The following CALN1 variants were observed in gnomAD, a reference collection of about 807,000 sequenced individuals.
The protein encoded by CALN1 is calneuron 1.
CALN1 carries 17 observed loss-of-function variants against 30.6 expected under a neutral mutation model. The ratio of observed to expected loss-of-function variants is 0.56; its 90% confidence interval spans 0.38 to 0.83. CALN1 has a LOEUF of 0.83. Ranked by LOEUF, CALN1 falls within the 40% of genes least tolerant of loss-of-function variation. The probability of loss-of-function intolerance (pLI) is 0.00; values close to 1 mark genes in which losing one functional copy is unlikely to be tolerated. For missense variants in CALN1, 291 were observed against 354.9 expected, an observed-to-expected ratio of 0.82 and a Z score of 1.45; for synonymous variants, 156 against 131.4, an observed-to-expected ratio of 1.19 and a Z score of -1.28.
chr7:71,858,279 ATTGTAAGT>A (rs1791069973), intron 5 of CALN1, among the ~76,000 whole-genome samples: 1 of 152,090 alleles, frequency 6.6e-6, no homozygotes, highest in South Asian at 2.1e-4. Context: ...TCCTGCCGTG[ATTGTAAGT>A]TTCCTGAGGC....
At chr7:72,430,585 G>A (rs570319910) in intron 1 of CALN1, among the ~76,000 whole-genome samples, 4 of 152,146 alleles carry the variant, frequency 2.6e-5, no homozygotes, top group Admixed American at 6.5e-5. Context: ...CCCCTCAAGG[G>A]GCTTCTCAGC....
chr7:72,068,587 A>T (rs1419078739), intron 4 of CALN1, among the ~76,000 whole-genome samples: 1 of 152,160 alleles, frequency 6.6e-6, no homozygotes, highest in Admixed American at 6.5e-5. Context: ...TCATGGGTTC[A>T]AGCAATTCTC....
At chr7:72,069,606 T>C (rs954287740) in intron 4 of CALN1, among the ~76,000 whole-genome samples, 6 of 152,146 alleles carry the variant, frequency 3.9e-5, no homozygotes, top group Non-Finnish European at 5.9e-5. Context: ...TGTGCCTCCC[T>C]TGCAGAGGGA....
At chr7:71,879,792 C>A (rs562984008) in intron 5 of CALN1, among the ~76,000 whole-genome samples, 2 of 152,150 alleles carry the variant, frequency 1.3e-5, no homozygotes, top group Non-Finnish European at 2.9e-5. Flanking sequence ...TGCTTACGTG[C>A]CTCACAGAGA....
chr7:72,306,626 AAAAAAAG>A (rs913385737), intron 2 of CALN1, among the ~76,000 whole-genome samples: 1 of 145,524 alleles, frequency 6.9e-6, no homozygotes, highest in African/African-American at 2.7e-5. Flanking sequence ...TGCTCTAAAA[AAAAAAAG>A]AAGAAAAAAA....
the CALN1 span, among the ~76,000 whole-genome samples, chr7:72,477,719 G>T: frequency 3.3e-5 from 5 of 152,046 alleles, no homozygotes; most frequent in Non-Finnish European, 7.4e-5. Context: ...ACCATGCCTG[G>T]ATAATTTTTT....
At chr7:71,820,262 C>T (rs992719975) in intron 5 of CALN1, among the ~76,000 whole-genome samples, 5 of 152,176 alleles carry the variant, frequency 3.3e-5, no homozygotes, top group Non-Finnish European at 7.3e-5. Context: ...GACCAATCCA[C>T]CTATGACCTG....
At chr7:71,954,810 A>G (rs1796874172) in intron 5 of CALN1, among the ~76,000 whole-genome samples, 1 of 152,234 alleles carries the variant, frequency 6.6e-6, no homozygotes, top group Admixed American at 6.5e-5. Context: ...GAGAACTGGC[A>G]GCAGTGAGTA....
At chr7:72,251,308 A>G (rs1384967995) in intron 3 of CALN1, among the ~76,000 whole-genome samples, 4 of 151,864 alleles carry the variant, frequency 2.6e-5, no homozygotes, top group African/African-American at 9.7e-5. Flanking sequence ...ATCTATCCCA[A>G]TTGTTTTCAT....
At chr7:72,048,899 ATT>A (rs71531780) in intron 4 of CALN1, among the ~76,000 whole-genome samples, 2 of 151,778 alleles carry the variant, frequency 1.3e-5, no homozygotes, top group African/African-American at 2.4e-5. Context: ...CCACCTCAAC[ATT>A]TTCGGCCCAA....
intron 2 of CALN1, among the ~76,000 whole-genome samples, chr7:72,311,748 C>G (rs2129556448): frequency 6.8e-6 from 1 of 148,118 alleles, no homozygotes; most frequent in East Asian, 2.0e-4. Flanking sequence ...CCACCTGCCT[C>G]AGCCTCCCAA....
chr7:72,278,011 G>GGC lies in CALN1; in HGVS notation c.244+674_244+675insGC, dbSNP rs376738676. 6.5e-3 allele frequency among the ~76,000 whole-genome samples: 737 copies of GGC among 113,934 alleles called. 71 individuals are homozygous for GGC. The highest frequency in any genetic ancestry group is 0.025 in the African/African-American group (694 of 28,028). The allele number at this position is 113,934 out of a possible 152,430, so 74.7% of individuals were successfully genotyped here. A position where few individuals can be genotyped will look rare whatever the true frequency, so the allele number is the denominator to read the frequency against. On this transcript the variant is annotated intron_variant, in intron 3 of 6. Coordinates refer to ENST00000395275, the MANE Select transcript of CALN1 (RefSeq NM_031468.4). ...AAATCAACCTAATCCTCTATTCCGGGGGGGGGGGACTTGTTTTTCCTATTT... is the reference window on the plus strand; with the variant it reads ...AAATCAACCTAATCCTCTATTCCGGGGCGGGGGGGGACTTGTTTTTCCTATTT...
At chr7:72,222,875 T>A (rs1296034964) in intron 3 of CALN1, among the ~76,000 whole-genome samples, 2 of 151,972 alleles carry the variant, frequency 1.3e-5, no homozygotes, top group Non-Finnish European at 2.9e-5. Flanking sequence ...ATACAAATTA[T>A]TCAGGCACGG....
At position 71,984,280 on chromosome 7, in the gene CALN1, G is replaced by A. The variant is rs1019807396; in HGVS notation, c.501+39377C>T. Among the ~76,000 whole-genome samples, 3 of 152,192 alleles carry A rather than the reference G, an allele frequency of 2.0e-5. No individual in the cohort carries two copies. The East Asian group carries it at 5.8e-4, about 29-fold the overall frequency. Reference sequence around the variant, plus strand: ...TTGACCATTTAAATGAGAAGGCCAAGAAAGTAGTAGGAAGCCAGCCAAGTA... The same window carrying A: ...TTGACCATTTAAATGAGAAGGCCAAAAAAGTAGTAGGAAGCCAGCCAAGTA... On this transcript the variant is annotated intron_variant, in intron 5 of 6. Transcript: ENST00000395275.
chr7:72,204,558 A>G lies in CALN1; in HGVS notation c.244+74128T>C, dbSNP rs1791693015. On this transcript the variant is annotated intron_variant, in intron 3 of 6. Coordinates refer to ENST00000395275, the MANE Select transcript of CALN1 (RefSeq NM_031468.4). ...AATGTGGCAATTAAAAACTTAGTTC[A>G]CGAGGTAAAATTTCCTGAGATCAAA... Among the ~76,000 whole-genome samples, 4 of 152,204 alleles carry G rather than the reference A, an allele frequency of 2.6e-5. No individual in the cohort carries two copies. In the South Asian group the frequency reaches 8.3e-4, roughly 31 times the overall value.
intron 5 of CALN1, among the ~76,000 whole-genome samples, chr7:71,821,307 G>A (rs1478189191): frequency 6.6e-6 from 1 of 151,986 alleles, no homozygotes; most frequent in African/African-American, 2.4e-5. Context: ...ATATTAATCC[G>A]TTTTCATATT....
intron 2 of CALN1, among the ~76,000 whole-genome samples, chr7:72,345,110 A>G (rs2129558991): frequency 6.7e-6 from 1 of 149,262 alleles, no homozygotes; most frequent in East Asian, 1.9e-4. Context: ...ATTATGTTAT[A>G]CGAAATTACA....
At chr7:72,445,677 C>T (rs998132448) in intron 1 of CALN1, among the ~76,000 whole-genome samples, 38 of 152,144 alleles carry the variant, frequency 2.5e-4, no homozygotes, top group Admixed American at 1.9e-3. Context: ...TCTGCCACAG[C>T]GGAGAGTTTG....
chr7:72,385,011 T>C (rs957179394), intron 2 of CALN1, among the ~76,000 whole-genome samples: 1 of 152,048 alleles, frequency 6.6e-6, no homozygotes, highest in Admixed American at 6.6e-5. Flanking sequence ...AACATACTCC[T>C]CCGCAAGAAA....
Sources: gnomAD v4.1 joint callset for allele counts (sites outside exome capture counted in the v4.1 genomes callset) on GRCh38, gnomAD v4.1.1 for gene constraint, MANE v1.5 for transcripts, NCBI Gene and HGNC (gene_info 2026-07-23, HGNC 2026-07-21) for gene names.